The following PDE10A variants were observed in gnomAD, a reference collection of about 807,000 sequenced individuals.
The protein encoded by PDE10A is phosphodiesterase 10A, also known as cAMP and cAMP-inhibited cGMP 3',5'-cyclic phosphodiesterase 10A.
A neutral mutation model predicts 97.7 loss-of-function variants in PDE10A; 39 were observed. That is an observed-to-expected ratio of 0.40 (90% CI 0.31 to 0.52). PDE10A has a LOEUF of 0.52. PDE10A is among the 20% of genes least tolerant of loss of function. The pLI is 0.56. For synonymous variants in PDE10A, 371 were observed against 376.8 expected (o/e 0.98, Z 0.18); for missense variants, 731 against 1,047.8 (o/e 0.70, Z 4.17).
At chr6:165,548,489 A>G (rs1400897098) in intron 1 of PDE10A, among the ~76,000 whole-genome samples, 1 of 151,724 alleles carries the variant, frequency 6.6e-6, no homozygotes, top group Admixed American at 6.6e-5. Context: ...TTCAATCTGG[A>G]TTTTTCTGAC....
At chr6:165,753,947 C>G (rs564443987) in intron 1 of PDE10A, among the ~76,000 whole-genome samples, 2 of 152,072 alleles carry the variant, frequency 1.3e-5, no homozygotes, top group African/African-American at 4.8e-5. Flanking sequence ...ATTGGCGGTC[C>G]CTTTGCCAAA....
intron 1 of PDE10A, among the ~76,000 whole-genome samples, chr6:165,744,758 C>A (rs555161747): frequency 1.2e-4 from 18 of 152,032 alleles, no homozygotes; most frequent in African/African-American, 4.1e-4. Flanking sequence ...AGTAGACATA[C>A]CATATCTCCT....
chr6:165,947,835 C>A (rs1783823639), intron 1 of PDE10A, among the ~76,000 whole-genome samples: 1 of 152,134 alleles, frequency 6.6e-6, no homozygotes, highest in African/African-American at 2.4e-5. Context: ...CCTGACACAG[C>A]AAGACATCAC....
intron 1 of PDE10A, among the ~76,000 whole-genome samples, chr6:165,911,864 G>A (rs553814905): frequency 3.3e-5 from 5 of 152,260 alleles, no homozygotes; most frequent in Non-Finnish European, 5.9e-5. Flanking sequence ...GGTGCTGTCC[G>A]GAGGAAGCTT....
At chr6:165,643,234 G>A (rs935725097) in intron 1 of PDE10A, among the ~76,000 whole-genome samples, 1 of 150,036 alleles carries the variant, frequency 6.7e-6, no homozygotes, top group South Asian at 2.2e-4. Flanking sequence ...TGAGTGAGTG[G>A]GTGGGTGGGT....
At chr6:165,611,880 T>C (rs551772754) in intron 1 of PDE10A, among the ~76,000 whole-genome samples, 19 of 152,354 alleles carry the variant, frequency 1.2e-4, no homozygotes, top group African/African-American at 4.6e-4. Context: ...AAATTCAATT[T>C]GAAAAGTATA....
At chr6:165,672,695 C>T (rs905394572) in intron 1 of PDE10A, among the ~76,000 whole-genome samples, 7 of 152,162 alleles carry the variant, frequency 4.6e-5, no homozygotes, top group Non-Finnish European at 1.0e-4. Context: ...TGAGACGTTC[C>T]TTTCACCTTC....
chr6:165,775,543 G>A (rs1171899651), intron 1 of PDE10A: 1 of 152,214 alleles, frequency 6.6e-6, no homozygotes, highest in Non-Finnish European at 1.5e-5. Flanking sequence ...GCCACTGCCT[G>A]TCGTACCCAT....
intron 18 of PDE10A, among the ~76,000 whole-genome samples, chr6:165,356,772 C>T (rs1583102948): frequency 6.6e-6 from 1 of 152,134 alleles, no homozygotes; most frequent in Non-Finnish European, 1.5e-5. Context: ...ACCACATAGC[C>T]TGTAAACTTG....
At chr6:165,922,641 G>T (rs1782788817) in intron 1 of PDE10A, among the ~76,000 whole-genome samples, 1 of 152,136 alleles carries the variant, frequency 6.6e-6, no homozygotes, top group Admixed American at 6.5e-5. Context: ...GGCATTCTGA[G>T]AAATCATGTG....
intron 1 of PDE10A, among the ~76,000 whole-genome samples, chr6:165,587,874 A>T (rs1352950101): frequency 6.6e-6 from 1 of 152,232 alleles, no homozygotes; most frequent in Non-Finnish European, 1.5e-5. Context: ...ACACAGAAAC[A>T]TTCAGAAAAC....
intron 2 of PDE10A, among the ~76,000 whole-genome samples, chr6:165,540,661 G>A (rs1005661226): frequency 6.6e-6 from 1 of 152,158 alleles, no homozygotes; most frequent in Non-Finnish European, 1.5e-5. Context: ...TTGTTTGGTT[G>A]CTCTGCTGCC....
At chr6:165,820,703 G>A (rs1210535515) in intron 1 of PDE10A, among the ~76,000 whole-genome samples, 1 of 152,218 alleles carries the variant, frequency 6.6e-6, no homozygotes, top group East Asian at 1.9e-4. Flanking sequence ...CCGGAATGAA[G>A]ACACGCACTT....
chr6:165,614,280 T>TA (rs1379075230), intron 1 of PDE10A, among the ~76,000 whole-genome samples: 1 of 152,210 alleles, frequency 6.6e-6, no homozygotes, highest in Non-Finnish European at 1.5e-5. Flanking sequence ...TAAAAATCTT[T>TA]AGTCAATCCT....
exon 1 of PDE10A, chr6:165,987,838 A>T (rs574765214): frequency 5.2e-5 from 21 of 407,682 alleles, no homozygotes; most frequent in African/African-American, 4.0e-4. Flanking sequence ...CCTCCTTTCC[A>T]TCTGGGGGTC....
intron 3 of PDE10A, among the ~76,000 whole-genome samples, chr6:165,471,154 G>C (rs1382999847): frequency 6.6e-6 from 1 of 152,026 alleles, no homozygotes; most frequent in Non-Finnish European, 1.5e-5. Flanking sequence ...TAGAACTCCA[G>C]CACCATTTGA....
chr6:165,800,126 T>C (rs773673163), intron 1 of PDE10A, among the ~76,000 whole-genome samples: 19 of 152,306 alleles, frequency 1.2e-4, no homozygotes, highest in Non-Finnish European at 2.1e-4. Context: ...ATTTACAGTT[T>C]CATAAAACTA....
chr6:165,515,360 C>T (rs1342506539), intron 2 of PDE10A, among the ~76,000 whole-genome samples: 1 of 151,992 alleles, frequency 6.6e-6, no homozygotes, highest in Non-Finnish European at 1.5e-5. Flanking sequence ...ATGTCATTAA[C>T]ATCCAATAAA....
intron 5 of PDE10A, among the ~76,000 whole-genome samples, chr6:165,442,933 AC>A (rs1454021294): frequency 1.3e-5 from 2 of 151,818 alleles, no homozygotes; most frequent in Admixed American, 1.3e-4. Context: ...ACATGCCAAT[AC>A]CCCATCTCTA....
Sources: allele counts gnomAD v4.1 joint callset (sites outside exome capture counted in the v4.1 genomes callset), GRCh38; gene constraint gnomAD v4.1.1; transcripts MANE v1.5; gene names NCBI Gene and HGNC (gene_info 2026-07-23, HGNC 2026-07-21).